WIPF2: variants seen among roughly 807,000 people sequenced by gnomAD.
WIPF2 encodes WAS/WASL-interacting protein family member 2.
WIPF2 carries 23 observed loss-of-function variants against 38.8 expected under a neutral mutation model. The observed-to-expected ratio is 0.59, with a 90% CI of 0.43 to 0.84. The LOEUF (loss-of-function observed/expected upper bound fraction) is 0.84, where lower values mean the gene tolerates loss of function less well. WIPF2 is among the 40% of genes least tolerant of loss of function. WIPF2 has a pLI of 0.00. For missense variants in WIPF2, 574 were observed against 580.5 expected (o/e 0.99, Z 0.11); for synonymous variants, 210 against 223.2 (o/e 0.94, Z 0.53).
At chr17:40,275,678 C>T (rs1350534437) in intron 6 of WIPF2, among the ~76,000 whole-genome samples, 1 of 152,084 alleles carries the variant, frequency 6.6e-6, no homozygotes. Flanking sequence ...ATCCTCCCAT[C>T]CTTCAGCCTT....
chr17:40,274,053 C>G, intron 6 of WIPF2, 54 bp downstream of exon 6: 13 of 1,417,828 alleles, frequency 9.2e-6, no homozygotes, highest in Non-Finnish European at 1.2e-5. Flanking sequence ...TTCACCCACT[C>G]CAGTGCCATG....
chr17:40,222,496 G>A (rs1213073801), intron 1 of WIPF2, among the ~76,000 whole-genome samples: 3 of 150,596 alleles, frequency 2.0e-5, no homozygotes, highest in Admixed American at 6.6e-5. Flanking sequence ...CAACAAGAGC[G>A]AAACTCCACC....
chr17:40,274,948 A>G (rs899875707), intron 6 of WIPF2, among the ~76,000 whole-genome samples: 4 of 150,712 alleles, frequency 2.7e-5, no homozygotes, highest in Admixed American at 6.6e-5. Context: ...AAAAAAAAAA[A>G]AAAAAAGTCG....
intron 2 of WIPF2, among the ~76,000 whole-genome samples, 173 bp downstream of exon 2, chr17:40,256,695 A>G (rs1317026111): frequency 6.6e-6 from 1 of 152,076 alleles, no homozygotes; most frequent in African/African-American, 2.4e-5. Flanking sequence ...TATTCCTAGT[A>G]TTAAAGGATA....
intron 1 of WIPF2, among the ~76,000 whole-genome samples, chr17:40,235,623 G>C (rs956943783): frequency 6.7e-6 from 1 of 148,454 alleles, no homozygotes; most frequent in Non-Finnish European, 1.5e-5. Flanking sequence ...GCCCAGGCTG[G>C]AGTGCAATGG....
intron 1 of WIPF2, among the ~76,000 whole-genome samples, chr17:40,229,049 G>A (rs2030627492): frequency 6.6e-6 from 1 of 151,432 alleles, no homozygotes; most frequent in African/African-American, 2.4e-5. Context: ...GACTGCAGAT[G>A]CATGCCACCA....
intron 1 of WIPF2, among the ~76,000 whole-genome samples, chr17:40,251,228 T>C (rs1327234819): frequency 6.6e-6 from 1 of 152,140 alleles, no homozygotes; most frequent in Non-Finnish European, 1.5e-5. Flanking sequence ...AGATTCTTAG[T>C]ATTGCAATAG....
rs1019826440 is a variant in WIPF2 at position 40,282,374 on chromosome 17, A to C, written c.*4149A>C. ...GGCCTAGCCTTCTTTTCACATGTCT[A>C]ATCTTTTCCTTTCTCATGGTGCCCT... On this transcript the variant is annotated 3_prime_UTR_variant, in exon 8 of 8. Coordinates refer to ENST00000323571, the MANE Select transcript of WIPF2 (RefSeq NM_133264.5). 5 of 152,160 alleles carry C rather than the reference A, an allele frequency of 3.3e-5. No individual in the cohort carries two copies. The allele number at this position is 152,160 out of a possible 1,614,324, so 9.4% of individuals were successfully genotyped here. A position where few individuals can be genotyped will look rare whatever the true frequency, so the allele number is the denominator to read the frequency against.
At chr17:40,255,964 C>G (rs1724478209) in intron 1 of WIPF2, among the ~76,000 whole-genome samples, 1 of 151,900 alleles carries the variant, frequency 6.6e-6, no homozygotes, top group Non-Finnish European at 1.5e-5. Flanking sequence ...TAATGACATG[C>G]ATGCTTGTAG....
intron 1 of WIPF2, among the ~76,000 whole-genome samples, chr17:40,247,923 C>T (rs2031425147): frequency 6.6e-6 from 1 of 152,078 alleles, no homozygotes; most frequent in Admixed American, 6.6e-5. Flanking sequence ...ATTTAGAATC[C>T]AGTTTTAACA....
chr17:40,257,111 TG>T (rs1393759719), intron 2 of WIPF2, among the ~76,000 whole-genome samples: 1 of 152,038 alleles, frequency 6.6e-6, no homozygotes, highest in Non-Finnish European at 1.5e-5. Context: ...CCCAAGTAGC[TG>T]GGATTACAGG....
chr17:40,237,707 G>T (rs968691118), intron 1 of WIPF2, among the ~76,000 whole-genome samples: 1 of 149,552 alleles, frequency 6.7e-6, no homozygotes, highest in African/African-American at 2.5e-5. Context: ...GTGCAGTGGC[G>T]TGATCTCGGC....
At chr17:40,256,052 C>T (rs2031716435) in intron 1 of WIPF2, among the ~76,000 whole-genome samples, 1 of 148,720 alleles carries the variant, frequency 6.7e-6, no homozygotes, top group Admixed American at 6.8e-5. Context: ...CATGATTGCA[C>T]CACTGTGCTC....
chr17:40,225,360 G>A (rs940916792), intron 1 of WIPF2, among the ~76,000 whole-genome samples: 1 of 151,388 alleles, frequency 6.6e-6, no homozygotes, highest in Non-Finnish European at 1.5e-5. Context: ...AGACCTTTAT[G>A]GGGAACAACA....
chr17:40,271,334 A>G (rs1304121100), intron 5 of WIPF2, among the ~76,000 whole-genome samples: 1 of 152,142 alleles, frequency 6.6e-6, no homozygotes, highest in Non-Finnish European at 1.5e-5. Context: ...GTCTCTTCAC[A>G]TACTATTTAG....
At chr17:40,258,752 G>A (rs2031807595) in intron 2 of WIPF2, among the ~76,000 whole-genome samples, 2 of 151,676 alleles carry the variant, frequency 1.3e-5, no homozygotes, top group African/African-American at 4.8e-5. Context: ...AGTTGAGGAA[G>A]TAGAATGTGG....
At chr17:40,225,326 G>A (rs2145273174) in intron 1 of WIPF2, among the ~76,000 whole-genome samples, 1 of 150,694 alleles carries the variant, frequency 6.6e-6, no homozygotes, top group South Asian at 2.1e-4. Flanking sequence ...TCTACAGAGG[G>A]CTACTAAAAA....
At chr17:40,221,172 C>A (rs183211369) in intron 1 of WIPF2, among the ~76,000 whole-genome samples, 47 of 152,204 alleles carry the variant, frequency 3.1e-4, no homozygotes, top group Admixed American at 1.5e-3. Flanking sequence ...TTATTTTTGC[C>A]TTACGGTTTT....
At chr17:40,237,884 C>G (rs1467551488) in intron 1 of WIPF2, among the ~76,000 whole-genome samples, 2 of 129,796 alleles carry the variant, frequency 1.5e-5, no homozygotes, top group Non-Finnish European at 3.1e-5. Flanking sequence ...AACCCTGTCT[C>G]TACTAAAATA....
Sources: gnomAD v4.1 joint callset for allele counts (sites outside exome capture counted in the v4.1 genomes callset) on GRCh38, gnomAD v4.1.1 for gene constraint, MANE v1.5 for transcripts, NCBI Gene and HGNC (gene_info 2026-07-23, HGNC 2026-07-21) for gene names.